Variants in FLYWCH1 observed in about 807,000 individuals in gnomAD.
FLYWCH1 encodes FLYWCH-type zinc finger 1, also known as FLYWCH-type zinc finger-containing protein 1.
FLYWCH1 carries 75 observed loss-of-function variants against 66.4 expected under a neutral mutation model. The observed-to-expected ratio is 1.13, with a 90% CI of 0.94 to 1.37. The LOEUF (loss-of-function observed/expected upper bound fraction) is 1.37, where lower values mean the gene tolerates loss of function less well. Among genes scored for constraint, FLYWCH1 ranks in the 40% most tolerant of loss-of-function variants. FLYWCH1 has a pLI of 0.00. For missense variants in FLYWCH1, 1,334 were observed against 1,001.8 expected (o/e 1.33, Z -4.48); for synonymous variants, 595 against 429.9 (o/e 1.38, Z -4.75).
At chr16:2,931,877 G>T (rs1279678105) in intron 4 of FLYWCH1, among the ~76,000 whole-genome samples, 7 of 152,114 alleles carry the variant, frequency 4.6e-5, no homozygotes, top group East Asian at 1.9e-4. Flanking sequence ...ACTTTGGGAG[G>T]TCGAGGTGGG....
chr16:2,944,394 CAA>C (rs58680101), intron 9 of FLYWCH1, among the ~76,000 whole-genome samples: 23 of 97,940 alleles, frequency 2.3e-4, no homozygotes, highest in Non-Finnish European at 2.6e-4. Context: ...AACTCCATCT[CAA>C]AAAAAAAAAA....
chr16:2,914,908 C>CAA (rs555910638), intron 2 of FLYWCH1, among the ~76,000 whole-genome samples: 466 of 72,646 alleles, frequency 6.4e-3, no homozygotes, highest in African/African-American at 0.022. Context: ...GACTCTGTCT[C>CAA]AAAAAAAAAA....
intron 3 of FLYWCH1, 61 bp downstream of exon 3, chr16:2,930,071 C>A: frequency 7.3e-7 from 1 of 1,369,328 alleles, no homozygotes; most frequent in Non-Finnish European, 1.0e-6. Flanking sequence ...TCCCAGCAGG[C>A]CCTGTACACC....
intron 2 of FLYWCH1, among the ~76,000 whole-genome samples, chr16:2,927,972 G>A (rs1011314278): frequency 6.6e-6 from 1 of 152,186 alleles, no homozygotes; most frequent in African/African-American, 2.4e-5. Context: ...GGGTGATGGT[G>A]GGGAGAAGGT....
In FLYWCH1 at chr16:2,930,747, G is replaced by C. The variant is rs746646999; in HGVS notation, c.663G>C (p.Pro221=). The C allele has an allele frequency of 6.4e-7, 1 of 1,562,526 alleles. No individual in the cohort carries two copies. The highest frequency in any genetic ancestry group is 1.2e-5 in the South Asian group (1 of 85,238). ...AGGAGCCCCTGGAGGGGGTGGGCCC[G>C]TGGCAGTGCCCTGAGGAGCCCGAGC... ...RVEEPLEGVG[P]WQCPEEPEPT... The change falls in exon 4 of 10, where the codon CCG becomes CCC. Residue 221 remains proline, a synonymous_variant. Transcript: ENST00000253928.
rs376897203 is a variant in FLYWCH1 at position 2,947,284 on chromosome 16, G to C, written c.2112-1404G>C. On this transcript the variant is annotated intron_variant, in intron 9 of 9. Transcript: ENST00000253928. ...TGCCCAGAATAGGCACATTTAGAGA[G>C]ACAGAAAGATTAGTGGCTGCCTGGG... is the stretch of plus-strand genomic sequence containing the variant. 3.5e-4 allele frequency among the ~76,000 whole-genome samples: 53 copies of C among 152,338 alleles called. No individual in the cohort carries two copies. In the South Asian group the frequency reaches 0.01, roughly 29 times the overall value.
intron 2 of FLYWCH1, among the ~76,000 whole-genome samples, chr16:2,916,055 CTG>C (rs2070157150): frequency 6.6e-6 from 1 of 152,002 alleles, no homozygotes; most frequent in Non-Finnish European, 1.5e-5. Context: ...TTTTTAAAGT[CTG>C]TTGTTTTGGC....
chr16:2,948,820 A>C lies in FLYWCH1; in HGVS notation c.*93A>C, dbSNP rs1168191581. The C allele has an allele frequency of 6.9e-6, 8 of 1,163,364 alleles. No individual in the cohort carries two copies. In the Admixed American group the frequency reaches 1.1e-4, roughly 16 times the overall value. The allele number at this position is 1,163,364 out of a possible 1,614,324, so 72.1% of individuals were successfully genotyped here. A position where few individuals can be genotyped will look rare whatever the true frequency, so the allele number is the denominator to read the frequency against. ...CATCCACCTAGGTTTGGCTTAGCAG[A>C]AACTTCTTTTCATTCTTCCAAAGCA... On this transcript the variant is annotated 3_prime_UTR_variant, in exon 10 of 10. Transcript: ENST00000253928.
Position 2,930,622 on chromosome 16 carries a change from G to C in FLYWCH1, c.538G>C (p.Gly180Arg), listed in dbSNP as rs889441959. ...CCACTGCCACGCGCCCGATGAGCAA[G>C]GCCTGGAGGCCCGGCGCCAGAGGGA... ...RGHCHAPDEQ[G>R]LEARRQREKL... The change falls in exon 4 of 10, where the codon GGC becomes CGC. Residue 180 changes from glycine (G) to arginine (R), a missense_variant. Gly to Arg is a moderately radical substitution (Grantham distance 125). Transcript: ENST00000253928. 1.3e-6 allele frequency: 2 copies of C among 1,550,270 alleles called. No individual in the cohort carries two copies. Among genetic ancestry groups the C allele is most frequent in the Admixed American group, 2.0e-5 (1 of 50,982 alleles).
chr16:2,936,563 T>C (rs2071010985), intron 6 of FLYWCH1: 1 of 453,932 alleles, frequency 2.2e-6, no homozygotes, highest in Admixed American at 2.4e-5. Context: ...CTGTGGCCCC[T>C]GAGCCTGCAC....
intron 9 of FLYWCH1, among the ~76,000 whole-genome samples, chr16:2,947,723 T>C (rs1425538897): frequency 2.0e-5 from 3 of 148,654 alleles, no homozygotes; most frequent in Admixed American, 6.8e-5. Flanking sequence ...GATTGCGCCA[T>C]TGCACTCCAG....
chr16:2,912,012 C>T lies in FLYWCH1; in HGVS notation c.-330C>T, dbSNP rs2070001185. The T allele has an allele frequency of 6.6e-6, 1 of 152,434 alleles. No individual in the cohort carries two copies. The highest frequency in any genetic ancestry group is 6.5e-5 in the Admixed American group (1 of 15,282). 9.4% of individuals were successfully genotyped at this position (152,434 alleles called of 1,614,324 possible). Reference sequence around the variant, plus strand: ...GGTCACGGGGCTCGCTCCCGAGGGGCAGGTCGGGGCTGGGAGCTGGTGCCC... The same window carrying T: ...GGTCACGGGGCTCGCTCCCGAGGGGTAGGTCGGGGCTGGGAGCTGGTGCCC... On this transcript the variant is annotated 5_prime_UTR_variant, in exon 1 of 10. Transcript: ENST00000253928.
At chr16:2,929,171 C>T (rs939295889) in intron 2 of FLYWCH1, among the ~76,000 whole-genome samples, 1 of 152,212 alleles carries the variant, frequency 6.6e-6, no homozygotes, top group Admixed American at 6.5e-5. Context: ...AGAAACGGGT[C>T]TCAGCTTCCC....
rs1192506886 is a variant in FLYWCH1, at chr16:2,937,167, G to A, written c.1560G>A (p.Val520=). The A allele has an allele frequency of 4.6e-6, 6 of 1,302,918 alleles. No individual in the cohort carries two copies. Among genetic ancestry groups the A allele is most frequent in the Middle Eastern group, 2.8e-4 (1 of 3,572 alleles). 80.7% of individuals were successfully genotyped at this position (1,302,918 alleles called of 1,614,324 possible). Residue 520 remains valine (V), a synonymous_variant, in exon 7 of 10, where the codon GTG becomes GTA. Coordinates refer to ENST00000253928, the MANE Select transcript of FLYWCH1 (RefSeq NM_001308068.2). ...LKTPLGGSFL[V]YESFLYRREK... ...CGCCCCTGGGGGGCAGCTTCCTGGTGTACGAGTCCTTCCTCTACCGGCGGG... is the reference window on the plus strand; with the variant it reads ...CGCCCCTGGGGGGCAGCTTCCTGGTATACGAGTCCTTCCTCTACCGGCGGG...
Position 2,933,953 on chromosome 16 carries a change from C to G in FLYWCH1, c.1487C>G (p.Pro496Arg). The change falls in exon 6 of 10, where the codon CCC becomes CGC. Residue 496 changes from proline (P) to arginine (R), a missense_variant. Physicochemically the swap from Pro to Arg is moderately radical, Grantham distance 103. Coordinates refer to ENST00000253928, the MANE Select transcript of FLYWCH1 (RefSeq NM_001308068.2). ...LEALRQREKR[P>R]NTAQRGSPGG... ...GCCCTGAGGCAGCGGGAGAAACGCCCCAACACGGCGCAGCGGGGGAGCCCA... is the reference window on the plus strand; with the variant it reads ...GCCCTGAGGCAGCGGGAGAAACGCCGCAACACGGCGCAGCGGGGGAGCCCA... 6.4e-7 allele frequency: 1 copy of G among 1,555,270 alleles called. No homozygotes were observed. The highest frequency in any genetic ancestry group is 8.7e-7 in the Non-Finnish European group (1 of 1,149,732).
At chr16:2,917,636 A>C (rs1376913753) in intron 2 of FLYWCH1, among the ~76,000 whole-genome samples, 1 of 152,126 alleles carries the variant, frequency 6.6e-6, no homozygotes, top group South Asian at 2.1e-4. Flanking sequence ...GCACAAAGCA[A>C]ACCTCAGGTG....
intron 9 of FLYWCH1, among the ~76,000 whole-genome samples, chr16:2,941,462 C>T (rs1015349209): frequency 4.6e-5 from 7 of 152,098 alleles, no homozygotes; most frequent in African/African-American, 1.7e-4. Flanking sequence ...GCCAAAAACT[C>T]AGCCAGTCAT....
chr16:2,936,993 C>G (rs1353619358), intron 6 of FLYWCH1, 128 bp from the exon 7 acceptor site: 11 of 925,420 alleles, frequency 1.2e-5, no homozygotes, highest in African/African-American at 2.2e-5. Context: ...CATCTGTGTC[C>G]TGGGCTCCGG....
At chr16:2,925,584 G>GGGC (rs2070535476) in intron 2 of FLYWCH1, among the ~76,000 whole-genome samples, 1 of 141,244 alleles carries the variant, frequency 7.1e-6, no homozygotes, top group Admixed American at 7.0e-5. Context: ...CGGGGGGAGG[G>GGGC]GGGTACGGGG....
Sources: allele counts gnomAD v4.1 joint callset (sites outside exome capture counted in the v4.1 genomes callset), GRCh38; gene constraint gnomAD v4.1.1; transcripts MANE v1.5; gene names NCBI Gene and HGNC (gene_info 2026-07-23, HGNC 2026-07-21).